The following KIDINS220 variants were observed in gnomAD, a reference collection of about 807,000 sequenced individuals.
KIDINS220 encodes kinase D interacting substrate 220, also known as kinase D-interacting substrate of 220 kDa.
In KIDINS220, 63 loss-of-function variants were observed where a neutral mutation model predicts 157.6. That is an observed-to-expected ratio of 0.40 (90% CI 0.33 to 0.49). KIDINS220 has a LOEUF of 0.49. KIDINS220 is among the 20% of genes least tolerant of loss of function. The probability of loss-of-function intolerance (pLI) is 0.66; values close to 1 mark genes in which losing one functional copy is unlikely to be tolerated. For missense variants in KIDINS220, 1,772 were observed against 2,171.2 expected, an observed-to-expected ratio of 0.82 and a Z score of 3.65; for synonymous variants, 732 against 783.6, an observed-to-expected ratio of 0.93 and a Z score of 1.10.
intron 22 of KIDINS220, among the ~76,000 whole-genome samples, chr2:8,759,546 CT>C (rs1289076594): frequency 6.7e-6 from 1 of 148,916 alleles, no homozygotes; most frequent in East Asian, 2.0e-4. Context: ...CAAAAACTCT[CT>C]TTGGCTTTAA....
intron 26 of KIDINS220, among the ~76,000 whole-genome samples, chr2:8,743,607 C>T (rs1214887989): frequency 2.0e-5 from 3 of 152,184 alleles, no homozygotes; most frequent in Admixed American, 6.5e-5. Flanking sequence ...GTGTTCAGGA[C>T]GAACGGGGCA....
Position 8,733,689 on chromosome 2 carries a change from A to C in KIDINS220, c.3817-9T>G, listed in dbSNP as rs762081367. On this transcript the variant is annotated splice_polypyrimidine_tract_variant and intron_variant, in intron 28 of 29. Coordinates refer to ENST00000256707, the MANE Select transcript of KIDINS220 (RefSeq NM_020738.4). ...TTTCTCATTTCTAGTACCTTAACAG[A>C]AGAAAAACATAAATATTTACACTAA... 11 of 1,466,618 alleles carry C rather than the reference A, an allele frequency of 7.5e-6. No homozygotes were observed. The South Asian group carries it at 1.4e-4, about 18-fold the overall frequency. 90.9% of individuals were successfully genotyped at this position (1,466,618 alleles called of 1,614,324 possible). A position where few individuals can be genotyped will look rare whatever the true frequency, so the allele number is the denominator to read the frequency against.
chr2:8,788,488 C>T (rs1280429097), intron 15 of KIDINS220, among the ~76,000 whole-genome samples, 159 bp downstream of exon 15: 1 of 152,096 alleles, frequency 6.6e-6, no homozygotes, highest in Non-Finnish European at 1.5e-5. Context: ...AGGCTGGTCT[C>T]GAACTCCTGA....
intron 25 of KIDINS220, 90 bp from the exon 26 acceptor site, chr2:8,747,291 A>C: frequency 9.2e-7 from 1 of 1,084,366 alleles, no homozygotes; most frequent in Non-Finnish European, 1.4e-6. Flanking sequence ...AAAATAATAT[A>C]CAACACTGAA....
At position 8,804,575 on chromosome 2, in the gene KIDINS220, T is replaced by C. The variant is rs376112469; in HGVS notation, c.604-1448A>G. Among the ~76,000 whole-genome samples the C allele has an allele frequency of 4.4e-3, 663 of 152,264 alleles. 1 individual carries two copies. Among genetic ancestry groups the C allele is most frequent in the Middle Eastern group, 0.027 (8 of 294 alleles). ...CTGATTTCTGATTTTTAAAAATCTG[T>C]TCATTGAAGAGGGAAAATAAGGCAC... On this transcript the variant is annotated intron_variant, in intron 7 of 29. Coordinates refer to ENST00000256707, the MANE Select transcript of KIDINS220 (RefSeq NM_020738.4).
At chr2:8,762,210 C>T (rs1369965778) in intron 22 of KIDINS220, among the ~76,000 whole-genome samples, 1 of 152,106 alleles carries the variant, frequency 6.6e-6, no homozygotes, top group Non-Finnish European at 1.5e-5. Context: ...CACTGTAGAA[C>T]TTTGGAATGT....
In KIDINS220 at chr2:8,730,747, A is replaced by C; in HGVS notation, c.5289T>G (p.Phe1763Leu). The change falls in exon 30 of 30, where the codon TTT becomes TTG. Residue 1763 changes from phenylalanine (F) to leucine (L), a missense_variant. By Grantham distance (22) the Phe-to-Leu change is conservative (BLOSUM62 0). Transcript: ENST00000256707. ...AAAGAATGCTTTCTCTTTCTTCTCC[A>C]AAGCCTGTGCTCTCAGAAGAGGCTG... ...HAAASSESTG[F>L]GEERESIL The C allele has an allele frequency of 6.2e-7, 1 of 1,613,940 alleles. No individual in the cohort carries two copies. Among genetic ancestry groups the C allele is most frequent in the Middle Eastern group, 1.7e-4 (1 of 6,060 alleles).
At chr2:8,748,445 C>T (rs1382702653) in intron 24 of KIDINS220, among the ~76,000 whole-genome samples, 1 of 152,144 alleles carries the variant, frequency 6.6e-6, no homozygotes, top group African/African-American at 2.4e-5. Context: ...TGAAAACACC[C>T]TGGCACAAAT....
At position 8,795,803 on chromosome 2, in the gene KIDINS220, T is replaced by C. The variant is rs74626200; in HGVS notation, c.1098+968A>G. 6.1e-3 allele frequency among the ~76,000 whole-genome samples: 925 copies of C among 152,358 alleles called. 9 individuals are homozygous for C. Among genetic ancestry groups the C allele is most frequent in the African/African-American group, 0.021 (880 of 41,590 alleles). On this transcript the variant is annotated intron_variant, in intron 11 of 29. Transcript: ENST00000256707. ...TGAAGGATACAGTCTGGTGGTTCTG[T>C]ATCGCAAATTGGGGGACCAGTGTCA...
Position 8,731,840 on chromosome 2 carries a change from C to T in KIDINS220, c.4196G>A (p.Gly1399Glu). 6.2e-7 allele frequency: 1 copy of T among 1,614,070 alleles called. No homozygotes were observed. Among genetic ancestry groups the T allele is most frequent in the East Asian group, 2.2e-5 (1 of 44,884 alleles). Residue 1399 changes from glycine (G) to glutamate (E), a missense_variant, in exon 30 of 30, where the codon GGG becomes GAG. Gly to Glu is a moderately conservative substitution (Grantham distance 98). This residue lies in a region of KIDINS220 where 793 missense variants were observed against 885.5 expected (regional missense o/e 0.90). Coordinates refer to ENST00000256707, the MANE Select transcript of KIDINS220 (RefSeq NM_020738.4). This position sits in a 1 kb window ranked among gnomAD's most constrained non-coding sequence, Gnocchi z 5.2. Reference sequence around the variant, plus strand: ...ACTAATGGTTGTAGACCCGGGGCCCCCTTCTAACTGGGACATCTGAGCAAT... The same window carrying T: ...ACTAATGGTTGTAGACCCGGGGCCCTCTTCTAACTGGGACATCTGAGCAAT... ...EYIAQMSQLE[G>E]GPGSTTISGR... is the part of the protein sequence containing the mutation.
intron 10 of KIDINS220, among the ~76,000 whole-genome samples, chr2:8,797,412 A>C (rs750602092): frequency 2.3e-4 from 35 of 152,192 alleles, no homozygotes; most frequent in Non-Finnish European, 1.5e-4. Context: ...GTTAGACAAA[A>C]ATCTGGTCAG....
Position 8,729,282 on chromosome 2 carries a change from G to A in KIDINS220, c.*1438C>T, listed in dbSNP as rs1308177867. The A allele has an allele frequency of 2.5e-5, 25 of 985,342 alleles. No homozygotes were observed. In the Admixed American group the frequency reaches 1.4e-3, roughly 56 times the overall value. The allele number at this position is 985,342 out of a possible 1,614,324, so 61.0% of individuals were successfully genotyped here. ...AGAGCAACTATTTAGCACAATGACT[G>A]GCCCAGTAAATAACTTAATCAGCAT... On this transcript the variant is annotated 3_prime_UTR_variant, in exon 30 of 30. Transcript: ENST00000256707.
chr2:8,770,647 T>C (rs1670084087), intron 22 of KIDINS220, 23 bp downstream of exon 22: 3 of 1,374,582 alleles, frequency 2.2e-6, no homozygotes, highest in East Asian at 2.4e-5. Flanking sequence ...TAAAGTAAAA[T>C]ACAAAGAGGT....
chr2:8,748,041 AGAAAT>A, intron 24 of KIDINS220, 41 bp from the exon 25 acceptor site: 1 of 1,157,868 alleles, frequency 8.6e-7, no homozygotes, highest in Non-Finnish European at 1.2e-6. Flanking sequence ...AAACAATTAC[AGAAAT>A]GAAAGTGTAA....
At chr2:8,837,118 G>A (rs1185363956) in intron 1 of KIDINS220, among the ~76,000 whole-genome samples, 2 of 152,132 alleles carry the variant, frequency 1.3e-5, no homozygotes, top group African/African-American at 4.8e-5. Context: ...CAGCTAAGGG[G>A]GCTCTCAAGG....
chr2:8,749,775 G>T (rs1667053825), intron 24 of KIDINS220, among the ~76,000 whole-genome samples: 1 of 151,808 alleles, frequency 6.6e-6, no homozygotes, highest in African/African-American at 2.4e-5. Flanking sequence ...TATTATACAA[G>T]ATATAACAAA....
rs1269677011 is a variant in KIDINS220 at position 8,729,083 on chromosome 2, A to G, written c.*1637T>C. 6.1e-6 allele frequency: 6 copies of G among 983,192 alleles called. No homozygotes were observed. Among genetic ancestry groups the G allele is most frequent in the Non-Finnish European group, 7.2e-6 (6 of 827,588 alleles). The allele number at this position is 983,192 out of a possible 1,614,324, so 60.9% of individuals were successfully genotyped here. On this transcript the variant is annotated 3_prime_UTR_variant, in exon 30 of 30. Coordinates refer to ENST00000256707, the MANE Select transcript of KIDINS220 (RefSeq NM_020738.4). ...ATTGTCTCTGAAATAATTCCTAATT[A>G]TACAATTTTGCAAATAAGCACTATA...
intron 1 of KIDINS220, among the ~76,000 whole-genome samples, chr2:8,834,839 A>G (rs1303529864): frequency 6.6e-6 from 1 of 152,108 alleles, no homozygotes; most frequent in Non-Finnish European, 1.5e-5. Context: ...GTATGTATGT[A>G]TTTAGTTATT....
intron 6 of KIDINS220, among the ~76,000 whole-genome samples, chr2:8,812,035 T>C (rs1384245869): frequency 6.6e-6 from 1 of 152,094 alleles, no homozygotes; most frequent in African/African-American, 2.4e-5. Context: ...AAGAGAAACA[T>C]AACCAAACTT....
Sources: gnomAD v4.1 joint callset for allele counts (sites outside exome capture counted in the v4.1 genomes callset) on GRCh38, gnomAD v4.1.1 for gene constraint, gnomAD v4.1.1 regional missense constraint, Gnocchi (gnomAD v3.1) non-coding constraint, MANE v1.5 for transcripts, NCBI Gene and HGNC (gene_info 2026-07-23, HGNC 2026-07-21) for gene names.